The following FSTL5 variants were observed in gnomAD, a reference collection of about 807,000 sequenced individuals.
The protein encoded by FSTL5 is follistatin-related protein 5.
A neutral mutation model predicts 89.1 loss-of-function variants in FSTL5; 62 were observed. The ratio of observed to expected loss-of-function variants is 0.70; its 90% confidence interval spans 0.57 to 0.86. The LOEUF (loss-of-function observed/expected upper bound fraction) is 0.86. FSTL5 is among the 40% of genes least tolerant of loss of function. The pLI is 0.00. For missense variants in FSTL5, 1,057 were observed against 1,001.6 expected (o/e 1.06, Z -0.75); for synonymous variants, 383 against 346.2 (o/e 1.11, Z -1.18).
chr4:161,664,629 T>C (rs1736823592), intron 6 of FSTL5, among the ~76,000 whole-genome samples: 1 of 152,184 alleles, frequency 6.6e-6, no homozygotes, highest in Admixed American at 6.5e-5. Context: ...TTTTCTGTCT[T>C]TGTCTGAGAC....
chr4:161,985,636 C>T (rs1427952978), intron 3 of FSTL5, among the ~76,000 whole-genome samples: 1 of 151,714 alleles, frequency 6.6e-6, no homozygotes, highest in Non-Finnish European at 1.5e-5. Context: ...AATACTTATA[C>T]TTTAATATAC....
chr4:161,789,389 C>T (rs74510548), intron 4 of FSTL5, among the ~76,000 whole-genome samples: 8,219 of 151,948 alleles, frequency 0.054, 288 homozygotes, highest in Middle Eastern at 0.085. Flanking sequence ...CCTTTTGTGG[C>T]CTTTGAGGTA....
chr4:161,929,571 T>G (rs1734224072), intron 3 of FSTL5, among the ~76,000 whole-genome samples: 1 of 151,712 alleles, frequency 6.6e-6, no homozygotes, highest in Admixed American at 6.6e-5. Context: ...TAACTGGAAG[T>G]GACTTTAAAT....
At chr4:161,412,073 A>G (rs1416341526) in intron 15 of FSTL5, among the ~76,000 whole-genome samples, 1 of 152,144 alleles carries the variant, frequency 6.6e-6, no homozygotes, top group African/African-American at 2.4e-5. Flanking sequence ...TGAAATCAAG[A>G]GCACAGTTTC....
At chr4:161,914,497 T>C (rs1316722642) in intron 4 of FSTL5, among the ~76,000 whole-genome samples, 4 of 152,164 alleles carry the variant, frequency 2.6e-5, no homozygotes, top group African/African-American at 4.8e-5. Context: ...ATAGATCTAA[T>C]AGATATTCTA....
chr4:161,745,141 T>C (rs1409335570), intron 6 of FSTL5, among the ~76,000 whole-genome samples: 1 of 152,032 alleles, frequency 6.6e-6, no homozygotes, highest in Non-Finnish European at 1.5e-5. Context: ...ACAATCTTGA[T>C]TGAAGCTGAT....
intron 4 of FSTL5, among the ~76,000 whole-genome samples, chr4:161,826,603 T>G (rs1730677351): frequency 6.6e-6 from 1 of 152,132 alleles, no homozygotes; most frequent in Non-Finnish European, 1.5e-5. Flanking sequence ...GATTGTCATT[T>G]TGTTGTTGTT....
intron 3 of FSTL5, among the ~76,000 whole-genome samples, chr4:161,943,792 T>C (rs1009019142): frequency 2.6e-5 from 4 of 152,026 alleles, no homozygotes; most frequent in Non-Finnish European, 5.9e-5. Context: ...CCTGACCTCG[T>C]GATCTGCCCG....
rs183215195 is a variant in FSTL5 at position 161,415,348 on chromosome 4, C to A, written c.1842-28899G>T. 2.3e-3 allele frequency among the ~76,000 whole-genome samples: 353 copies of A among 152,140 alleles called. 6 individuals carry two copies. The highest frequency in any genetic ancestry group is 0.021 in the Admixed American group (318 of 15,280). ...TCTGCTCACTGCAACCTCTGCCTCC[C>A]GGGTTCAAGTGATTCTCTTGCCTCA... On this transcript the variant is annotated intron_variant, in intron 15 of 15. Coordinates refer to ENST00000306100, the MANE Select transcript of FSTL5 (RefSeq NM_020116.5).
chr4:161,702,842 T>C (rs893776484), intron 6 of FSTL5, among the ~76,000 whole-genome samples: 5 of 152,076 alleles, frequency 3.3e-5, no homozygotes, highest in African/African-American at 1.2e-4. Context: ...AACCTGATAG[T>C]GAGTGCTATG....
At chr4:161,724,189 C>CA (rs1181651947) in intron 6 of FSTL5, among the ~76,000 whole-genome samples, 1 of 151,912 alleles carries the variant, frequency 6.6e-6, no homozygotes, top group Non-Finnish European at 1.5e-5. Context: ...TGAATATTTA[C>CA]AAAAACTAAA....
intron 3 of FSTL5, among the ~76,000 whole-genome samples, chr4:162,008,748 C>T (rs1304554107): frequency 6.6e-6 from 1 of 151,854 alleles, no homozygotes; most frequent in Non-Finnish European, 1.5e-5. Context: ...GCATAAATGA[C>T]TTTAGGCCAT....
intron 10 of FSTL5, among the ~76,000 whole-genome samples, chr4:161,516,724 TAC>T (rs35139981): frequency 0.32 from 40,084 of 126,972 alleles, 8,000 homozygotes; most frequent in South Asian, 0.44. Flanking sequence ...TATATATATG[TAC>T]ACACACACAC....
At chr4:162,102,643 G>T (rs1579029234) in intron 2 of FSTL5, among the ~76,000 whole-genome samples, 1 of 134,600 alleles carries the variant, frequency 7.4e-6, no homozygotes, top group Admixed American at 7.6e-5. Context: ...ATATAAATAT[G>T]TATATTTATA....
intron 6 of FSTL5, among the ~76,000 whole-genome samples, chr4:161,660,756 A>G (rs1162871813): frequency 6.6e-6 from 1 of 152,070 alleles, no homozygotes; most frequent in African/African-American, 2.4e-5. Context: ...TAATTCGCTA[A>G]GGATTATGGT....
intron 8 of FSTL5, among the ~76,000 whole-genome samples, chr4:161,556,763 C>T (rs894377309): frequency 1.3e-5 from 2 of 148,200 alleles, no homozygotes; most frequent in Admixed American, 6.8e-5. Flanking sequence ...TAAGATTTAG[C>T]GGGTTATAGT....
intron 4 of FSTL5, among the ~76,000 whole-genome samples, chr4:161,778,842 C>A (rs1409954462): frequency 6.6e-6 from 1 of 152,150 alleles, no homozygotes; most frequent in Non-Finnish European, 1.5e-5. Context: ...ATGTATTTAT[C>A]TGAGTGCACA....
intron 15 of FSTL5, among the ~76,000 whole-genome samples, chr4:161,433,530 A>G (rs1732453732): frequency 6.6e-6 from 1 of 152,122 alleles, no homozygotes; most frequent in African/African-American, 2.4e-5. Context: ...CACCACTGTT[A>G]TTCAATACAG....
At chr4:162,085,329 G>A (rs1431605924) in intron 2 of FSTL5, among the ~76,000 whole-genome samples, 1 of 151,698 alleles carries the variant, frequency 6.6e-6, no homozygotes, top group East Asian at 1.9e-4. Context: ...AAATCACAAA[G>A]AAAATTCAAT....
Sources: gnomAD v4.1 joint callset for allele counts (sites outside exome capture counted in the v4.1 genomes callset) on GRCh38, gnomAD v4.1.1 for gene constraint, MANE v1.5 for transcripts, NCBI Gene and HGNC (gene_info 2026-07-23, HGNC 2026-07-21) for gene names.